Variants in FBXW7 observed in about 807,000 individuals in gnomAD.
The protein encoded by FBXW7 is F-box and WD repeat domain containing 7.
Under a neutral mutation model 86.3 loss-of-function variants are expected in FBXW7, and 11 were observed. The ratio of observed to expected loss-of-function variants is 0.13; its 90% CI spans 0.08 to 0.21. FBXW7 has a LOEUF of 0.21. Ranked by LOEUF, FBXW7 falls within the 10% of genes least tolerant of loss-of-function variation. The pLI is 1.00. For synonymous variants in FBXW7, 313 were observed against 297.9 expected (o/e 1.05, Z -0.52); for missense variants, 488 against 847.4 (o/e 0.58, Z 5.27).
chr4:152,444,777 T>C (rs1372664288), intron 2 of FBXW7, among the ~76,000 whole-genome samples: 1 of 152,230 alleles, frequency 6.6e-6, no homozygotes, highest in East Asian at 1.9e-4. Flanking sequence ...TGTGCCCTGA[T>C]GTAAACTGGT....
chr4:152,485,836 G>A (rs975446383), intron 2 of FBXW7, among the ~76,000 whole-genome samples: 2 of 152,194 alleles, frequency 1.3e-5, no homozygotes, highest in African/African-American at 4.8e-5. Context: ...GACTGATTGA[G>A]TTCTCGCTGG....
At chr4:152,450,242 C>T (rs1741790246) in intron 2 of FBXW7, among the ~76,000 whole-genome samples, 1 of 152,102 alleles carries the variant, frequency 6.6e-6, no homozygotes, top group Non-Finnish European at 1.5e-5. Flanking sequence ...TGGTAACAAA[C>T]AAGAAAAATA....
chr4:152,332,777 ATAAGT>A lies in FBXW7; in HGVS notation c.862-63_862-59del, dbSNP rs2126551201. The stretch of plus-strand genomic sequence containing the variant: ...TTTAAATAAATATATATATTATATA[ATAAGT>A]TAATTATTCTCCACAGGATGAGATA... On this transcript the variant is annotated intron_variant, in intron 7 of 13. Transcript: ENST00000281708. 10 of 829,068 alleles carry A rather than the reference ATAAGT, an allele frequency of 1.2e-5. No individual in the cohort carries two copies. The South Asian group carries it at 3.0e-4, about 25-fold the overall frequency. The allele number at this position is 829,068 out of a possible 1,614,324, so 51.4% of individuals were successfully genotyped here. A position where few individuals can be genotyped will look rare whatever the true frequency, so the allele number is the denominator to read the frequency against.
intron 4 of FBXW7, among the ~76,000 whole-genome samples, chr4:152,369,061 T>C (rs1733750957): frequency 1.3e-5 from 2 of 152,106 alleles, no homozygotes; most frequent in African/African-American, 2.4e-5. Context: ...ATGCTGTGCA[T>C]CTTCTTTTAC....
chr4:152,387,046 C>T (rs1306315343), intron 4 of FBXW7, among the ~76,000 whole-genome samples: 2 of 152,106 alleles, frequency 1.3e-5, no homozygotes, highest in Non-Finnish European at 2.9e-5. Context: ...ATATGAGCAG[C>T]ACAAAGATTT....
chr4:152,407,204 C>T (rs1737494072), intron 4 of FBXW7, among the ~76,000 whole-genome samples: 1 of 152,038 alleles, frequency 6.6e-6, no homozygotes, highest in Admixed American at 6.6e-5. Context: ...AGGGGAAAAC[C>T]CATCTCACCC....
intron 5 of FBXW7, 43 bp downstream of exon 5, chr4:152,349,999 A>T (rs2126648636): frequency 2.6e-6 from 3 of 1,164,748 alleles, no homozygotes; most frequent in Non-Finnish European, 3.6e-6. Context: ...AATCAACTCT[A>T]AAAAACTGAG....
intron 2 of FBXW7, among the ~76,000 whole-genome samples, chr4:152,483,878 C>A (rs749225356): frequency 2.6e-5 from 4 of 152,074 alleles, no homozygotes; most frequent in Non-Finnish European, 5.9e-5. Flanking sequence ...CAATACAGTA[C>A]AATATAACAA....
chr4:152,497,651 A>T lies in FBXW7; in HGVS notation c.-120+37290T>A, dbSNP rs183180095. On this transcript the variant is annotated intron_variant, in intron 2 of 13. Transcript: ENST00000281708. ...TAGCTAGATAAAATTAAATGTTGAT[A>T]AAAAAAAGTGTGGAAACATGTTAAT... Among the ~76,000 whole-genome samples the T allele has an allele frequency of 2.6e-4, 39 of 151,564 alleles. No individual in the cohort carries two copies. The East Asian group carries it at 4.1e-3, about 16-fold the overall frequency.
At chr4:152,405,639 A>T (rs1737360108) in intron 4 of FBXW7, among the ~76,000 whole-genome samples, 1 of 152,222 alleles carries the variant, frequency 6.6e-6, no homozygotes, top group Admixed American at 6.5e-5. Flanking sequence ...AGCCTGATGC[A>T]AACAGAAGCC....
chr4:152,534,614 G>T (rs1432916135), intron 2 of FBXW7, among the ~76,000 whole-genome samples: 1 of 152,134 alleles, frequency 6.6e-6, no homozygotes, highest in Non-Finnish European at 1.5e-5. Flanking sequence ...ACCAGGAAAA[G>T]GTTACAGATA....
intron 2 of FBXW7, among the ~76,000 whole-genome samples, chr4:152,448,140 C>T (rs1019216920): frequency 1.3e-5 from 2 of 152,128 alleles, no homozygotes; most frequent in East Asian, 1.9e-4. Context: ...TTTAAGTGGC[C>T]GGCAGTCTCA....
chr4:152,384,824 A>G (rs1735397310), intron 4 of FBXW7, among the ~76,000 whole-genome samples: 1 of 152,014 alleles, frequency 6.6e-6, no homozygotes, highest in Non-Finnish European at 1.5e-5. Context: ...GGAAACCTAT[A>G]AACTGGTAGT....
intron 2 of FBXW7, among the ~76,000 whole-genome samples, chr4:152,463,097 G>A (rs562869857): frequency 9.5e-4 from 144 of 151,748 alleles, no homozygotes; most frequent in African/African-American, 3.4e-3. Flanking sequence ...AGACCAGCCT[G>A]GTCAACATGG....
chr4:152,522,637 C>G (rs563762246), intron 2 of FBXW7, among the ~76,000 whole-genome samples: 4 of 152,218 alleles, frequency 2.6e-5, no homozygotes, highest in African/African-American at 7.2e-5. Context: ...GCACCCTTCC[C>G]TCTCCCCACT....
chr4:152,419,049 C>T (rs1207534183), intron 2 of FBXW7, among the ~76,000 whole-genome samples: 2 of 151,954 alleles, frequency 1.3e-5, no homozygotes, highest in Admixed American at 6.6e-5. Context: ...ACCATATCAC[C>T]GAGTAAAGTT....
At position 152,322,607 on chromosome 4, in the gene FBXW7, T is replaced by C. The variant is rs529259532; in HGVS notation, c.*274A>G. 9.1e-6 allele frequency: 4 copies of C among 441,846 alleles called. No homozygotes were observed. The highest frequency in any genetic ancestry group is 4.4e-5 in the South Asian group (1 of 22,834). The allele number at this position is 441,846 out of a possible 1,614,324, so 27.4% of individuals were successfully genotyped here. ...AGAAATAATTGCACCTGGTTTGATT[T>C]AGAAAGTCTCATTTTGCAAAGCTGC... On this transcript the variant is annotated 3_prime_UTR_variant, in exon 14 of 14. Transcript: ENST00000281708.
intron 4 of FBXW7, among the ~76,000 whole-genome samples, chr4:152,387,309 A>C (rs1579065379): frequency 1.3e-5 from 2 of 152,210 alleles, no homozygotes; most frequent in Non-Finnish European, 2.9e-5. Flanking sequence ...CCATTACTGA[A>C]GTGCAATAAA....
intron 6 of FBXW7, among the ~76,000 whole-genome samples, chr4:152,340,832 A>G (rs1254067860): frequency 6.6e-6 from 1 of 152,070 alleles, no homozygotes; most frequent in Non-Finnish European, 1.5e-5. Flanking sequence ...GAAACTTAAC[A>G]TGTCTATGAT....
Sources: gnomAD v4.1 joint callset for allele counts (sites outside exome capture counted in the v4.1 genomes callset) on GRCh38, gnomAD v4.1.1 for gene constraint, MANE v1.5 for transcripts, NCBI Gene and HGNC (gene_info 2026-07-23, HGNC 2026-07-21) for gene names.